Variants in RIMS2 observed in about 807,000 individuals in gnomAD.
The protein encoded by RIMS2 is regulating synaptic membrane exocytosis protein 2.
In RIMS2, 59 loss-of-function variants were observed where a neutral mutation model predicts 174.4. That is an observed-to-expected ratio of 0.34 (90% confidence interval 0.27 to 0.42). RIMS2 has a LOEUF of 0.42. RIMS2 is among the 10% of genes least tolerant of loss of function. The pLI, the probability that RIMS2 is intolerant of heterozygous loss-of-function variation, is 1.00. For missense variants in RIMS2, 1,620 were observed against 1,666.3 expected (o/e 0.97, Z 0.48); for synonymous variants, 606 against 572.5 (o/e 1.06, Z -0.84).
chr8:103,682,772 T>A (rs1481667036), intron 1 of RIMS2, among the ~76,000 whole-genome samples: 1 of 152,212 alleles, frequency 6.6e-6, no homozygotes, highest in African/African-American at 2.4e-5. Flanking sequence ...ATACTGTTTC[T>A]TAGTACCTCA....
chr8:104,227,633 A>C (rs115289974), intron 19 of RIMS2, among the ~76,000 whole-genome samples: 1,679 of 152,310 alleles, frequency 0.011, 26 homozygotes, highest in African/African-American at 0.037. Flanking sequence ...AATCTGGTTT[A>C]TCAGAAGCTA....
chr8:103,766,192 A>G (rs1753581141), intron 2 of RIMS2, 35 bp from the exon 6 acceptor site: 5 of 1,452,710 alleles, frequency 3.4e-6, no homozygotes, highest in Admixed American at 2.2e-5. Flanking sequence ...ACTTTTGGGA[A>G]CACTAATTTT....
intron 19 of RIMS2, among the ~76,000 whole-genome samples, chr8:104,241,027 G>A (rs897361062): frequency 6.6e-6 from 1 of 152,040 alleles, no homozygotes; most frequent in African/African-American, 2.4e-5. Flanking sequence ...CATCCACCTT[G>A]TAAATGGTAG....
chr8:103,997,027 C>T (rs2095144987), intron 17 of RIMS2, among the ~76,000 whole-genome samples: 1 of 151,586 alleles, frequency 6.6e-6, no homozygotes, highest in Non-Finnish European at 1.5e-5. Flanking sequence ...TAAGAGGAGA[C>T]GAAAGAATTT....
chr8:103,747,098 T>C (rs2097829102), intron 2 of RIMS2, among the ~76,000 whole-genome samples: 1 of 151,914 alleles, frequency 6.6e-6, no homozygotes. Context: ...TTAATTACTT[T>C]ATTATTATTA....
intron 3 of RIMS2, among the ~76,000 whole-genome samples, chr8:103,793,278 T>C (rs1211309543): frequency 6.6e-6 from 1 of 152,186 alleles, no homozygotes; most frequent in Non-Finnish European, 1.5e-5. Flanking sequence ...TGGTTCAACA[T>C]ACGCAAATCA....
At chr8:104,021,925 GA>G (rs561196828) in intron 19 of RIMS2, among the ~76,000 whole-genome samples, 48 of 152,252 alleles carry the variant, frequency 3.2e-4, no homozygotes, top group Admixed American at 1.5e-3. Context: ...ATTGGTCGGG[GA>G]TGAAATTGTA....
chr8:103,972,818 C>T (rs2093027345), intron 15 of RIMS2, among the ~76,000 whole-genome samples: 2 of 152,164 alleles, frequency 1.3e-5, no homozygotes, highest in Non-Finnish European at 2.9e-5. Flanking sequence ...CCCTCCTCTT[C>T]TGGCATTTTG....
At chr8:103,844,089 C>T (rs909403603) in intron 3 of RIMS2, among the ~76,000 whole-genome samples, 2 of 152,170 alleles carry the variant, frequency 1.3e-5, no homozygotes, top group African/African-American at 4.8e-5. Flanking sequence ...CTTGCTCCTC[C>T]TTGCCTTCTG....
At chr8:104,200,874 A>G (rs2099051251) in intron 19 of RIMS2, among the ~76,000 whole-genome samples, 1 of 152,234 alleles carries the variant, frequency 6.6e-6, no homozygotes, top group African/African-American at 2.4e-5. Flanking sequence ...TGATCTTGCC[A>G]CTGCACTCCT....
At chr8:103,616,616 AAACC>A (rs2095510462) in intron 1 of RIMS2, among the ~76,000 whole-genome samples, 1 of 152,200 alleles carries the variant, frequency 6.6e-6, no homozygotes, top group African/African-American at 2.4e-5. Flanking sequence ...TATATCTAGA[AAACC>A]CCATAGTCTA....
At chr8:104,218,977 G>A (rs1320869759) in intron 19 of RIMS2, among the ~76,000 whole-genome samples, 1 of 152,124 alleles carries the variant, frequency 6.6e-6, no homozygotes, top group African/African-American at 2.4e-5. Context: ...CAACCTTTCT[G>A]AGTATTTACT....
intron 2 of RIMS2, among the ~76,000 whole-genome samples, chr8:103,757,256 T>C (rs1344912456): frequency 6.6e-6 from 1 of 152,202 alleles, no homozygotes; most frequent in Non-Finnish European, 1.5e-5. Context: ...TTTGCTGCAT[T>C]TTATATTGTT....
intron 10 of RIMS2, among the ~76,000 whole-genome samples, chr8:103,925,749 G>A (rs1371734908): frequency 1.3e-5 from 2 of 151,680 alleles, no homozygotes; most frequent in African/African-American, 2.4e-5. Context: ...CTAATGGACA[G>A]CGAGATGGAA....
intron 10 of RIMS2, among the ~76,000 whole-genome samples, chr8:103,927,398 T>C (rs948539706): frequency 2.0e-5 from 3 of 151,508 alleles, no homozygotes; most frequent in Admixed American, 1.3e-4. Flanking sequence ...CACAATTACT[T>C]CCACAGATGG....
intron 13 of RIMS2, among the ~76,000 whole-genome samples, chr8:103,939,128 G>A (rs1423295224): frequency 2.0e-5 from 3 of 152,208 alleles, no homozygotes; most frequent in African/African-American, 7.2e-5. Flanking sequence ...TGCCCCAGTA[G>A]GGACTCTGTA....
intron 4 of RIMS2, among the ~76,000 whole-genome samples, chr8:103,889,265 A>G (rs2099227131): frequency 6.6e-6 from 1 of 151,418 alleles, no homozygotes; most frequent in Non-Finnish European, 1.5e-5. Context: ...TTTTATATGG[A>G]GTGACATCAT....
intron 19 of RIMS2, among the ~76,000 whole-genome samples, chr8:104,091,640 T>C (rs926517872): frequency 2.7e-5 from 4 of 150,106 alleles, no homozygotes; most frequent in African/African-American, 7.3e-5. Context: ...TATTATTGTA[T>C]AGTGTACATA....
intron 2 of RIMS2, among the ~76,000 whole-genome samples, chr8:103,727,283 C>T (rs1025288260): frequency 2.0e-5 from 3 of 152,018 alleles, no homozygotes; most frequent in Non-Finnish European, 4.4e-5. Context: ...ATTGCATTAG[C>T]TAGACTCTTC....
Sources: gnomAD v4.1 joint callset for allele counts (sites outside exome capture counted in the v4.1 genomes callset) on GRCh38, gnomAD v4.1.1 for gene constraint, MANE v1.5 for transcripts, NCBI Gene and HGNC (gene_info 2026-07-23, HGNC 2026-07-21) for gene names.